Variants in PNLIPRP3 observed in about 807,000 individuals in gnomAD.
PNLIPRP3 encodes pancreatic lipase related protein 3, also known as pancreatic lipase-related protein 3.
In PNLIPRP3, 58 loss-of-function variants were observed where a neutral mutation model predicts 52.8. The observed-to-expected ratio is 1.10, with a 90% CI of 0.89 to 1.37. The LOEUF (loss-of-function observed/expected upper bound fraction) is 1.37. PNLIPRP3 is among the 40% of genes most tolerant of loss of function. The probability of loss-of-function intolerance (pLI) is 0.00; values close to 1 mark genes in which losing one functional copy is unlikely to be tolerated. For synonymous variants in PNLIPRP3, 192 were observed against 185.0 expected (o/e 1.04, Z -0.31); for missense variants, 593 against 561.6 (o/e 1.06, Z -0.57).
intron 2 of PNLIPRP3, among the ~76,000 whole-genome samples, chr10:116,437,348 C>T (rs1845789106): frequency 6.6e-6 from 1 of 152,036 alleles, no homozygotes; most frequent in Admixed American, 6.6e-5. Flanking sequence ...AGGGATGGAA[C>T]CAGGTAACAT....
At position 116,476,725 on chromosome 10, in the gene PNLIPRP3, G is replaced by A; in HGVS notation, c.1246G>A (p.Val416Ile). The change falls in exon 11 of 12, where the codon GTT (valine) becomes ATT (isoleucine). Residue 416 changes from valine to isoleucine, a missense_variant. Physicochemically the swap from Val to Ile is conservative, Grantham distance 29. Transcript: ENST00000369230. ...ADVNVGNITS[V>I]QFIWKKHLFE... Reference sequence around the variant, plus strand: ...TGTTAACGTTGGAAACATTACAAGTGTTCAGTTCATCTGGAAAAAACATTT... The same window carrying A: ...TGTTAACGTTGGAAACATTACAAGTATTCAGTTCATCTGGAAAAAACATTT... The A allele has an allele frequency of 6.2e-7, 1 of 1,609,646 alleles. No homozygotes were observed. The highest frequency in any genetic ancestry group is 8.5e-7 in the Non-Finnish European group (1 of 1,177,950).
intron 1 of PNLIPRP3, among the ~76,000 whole-genome samples, chr10:116,430,792 A>G (rs1845699985): frequency 6.6e-6 from 1 of 152,182 alleles, no homozygotes; most frequent in Admixed American, 6.5e-5. Context: ...CCTATATCTC[A>G]TCTATTAAAT....
chr10:116,475,538 T>C (rs1453362582), intron 10 of PNLIPRP3, among the ~76,000 whole-genome samples: 1 of 152,208 alleles, frequency 6.6e-6, no homozygotes, highest in Non-Finnish European at 1.5e-5. Context: ...AACAGAAAGA[T>C]TACCCTTAAG....
intron 3 of PNLIPRP3, 97 bp from the exon 4 acceptor site, chr10:116,444,285 C>A: frequency 1.9e-6 from 2 of 1,060,738 alleles, no homozygotes; most frequent in Non-Finnish European, 1.3e-6. Flanking sequence ...CCATATCAAC[C>A]TACTAGTATA....
intron 3 of PNLIPRP3, among the ~76,000 whole-genome samples, chr10:116,443,796 TGTGTGC>T (rs1436351359): frequency 2.0e-4 from 2 of 10,162 alleles, no homozygotes; most frequent in Non-Finnish European, 9.3e-4. Context: ...TATGTATGTG[TGTGTGC>T]ATATATATAT....
At chr10:116,457,676 T>G (rs973382949) in intron 5 of PNLIPRP3, among the ~76,000 whole-genome samples, 1 of 152,178 alleles carries the variant, frequency 6.6e-6, no homozygotes, top group African/African-American at 2.4e-5. Context: ...AAGGAATGAG[T>G]TCCTCTTTTG....
chr10:116,458,434 G>A (rs951400323), intron 5 of PNLIPRP3, among the ~76,000 whole-genome samples: 4 of 139,744 alleles, frequency 2.9e-5, no homozygotes, highest in South Asian at 2.4e-4. Context: ...TCTTCCTTAC[G>A]TCTTGGAAAG....
At chr10:116,449,760 A>G (rs1279796701) in intron 4 of PNLIPRP3, among the ~76,000 whole-genome samples, 2 of 152,196 alleles carry the variant, frequency 1.3e-5, no homozygotes, top group Admixed American at 6.5e-5. Context: ...GACCTAACAC[A>G]TGTGCATAGA....
chr10:116,456,880 C>A (rs1486061337), intron 5 of PNLIPRP3, among the ~76,000 whole-genome samples: 1 of 152,184 alleles, frequency 6.6e-6, no homozygotes, highest in African/African-American at 2.4e-5. Flanking sequence ...CTCTTGCCTG[C>A]ATTTTGGCCT....
At chr10:116,476,357 T>A (rs1026678763) in intron 10 of PNLIPRP3, among the ~76,000 whole-genome samples, 4 of 152,196 alleles carry the variant, frequency 2.6e-5, no homozygotes, top group African/African-American at 9.7e-5. Context: ...ATCTGGTTTC[T>A]GATACTACAA....
At chr10:116,451,022 C>T (rs913439012) in intron 4 of PNLIPRP3, among the ~76,000 whole-genome samples, 7 of 152,094 alleles carry the variant, frequency 4.6e-5, no homozygotes, top group Non-Finnish European at 8.8e-5. Context: ...CTGGAATCAT[C>T]ACAGTTCCTG....
chr10:116,455,805 G>T lies in PNLIPRP3; in HGVS notation c.540G>T (p.Arg180Ser). ...ACCTGGCTGGGGAAGCTGGGTCAAG[G>T]ATACCAGGCCTTGGAAGAATAACTG... ...GAHLAGEAGS[R>S]IPGLGRITGL... The change falls in exon 5 of 12, where the codon AGG (arginine) becomes AGT (serine). Residue 180 changes from arginine (R) to serine (S), a missense_variant. Coordinates refer to ENST00000369230, the MANE Select transcript of PNLIPRP3 (RefSeq NM_001011709.3). The T allele has an allele frequency of 6.2e-7, 1 of 1,614,042 alleles. No individual in the cohort carries two copies.
chr10:116,446,161 A>G (rs1228259372), intron 4 of PNLIPRP3, among the ~76,000 whole-genome samples: 3 of 152,122 alleles, frequency 2.0e-5, no homozygotes, highest in Non-Finnish European at 4.4e-5. Context: ...CCTGGCGAAC[A>G]AAATGAAACC....
Position 116,443,071 on chromosome 10 carries a change from A to G in PNLIPRP3, c.221A>G (p.Asn74Ser). 6.3e-7 allele frequency: 1 copy of G among 1,599,360 alleles called. No homozygotes were observed. Among genetic ancestry groups the G allele is most frequent in the Admixed American group, 1.7e-5 (1 of 59,362 alleles). ...TTGAAACAGGAGATCAGTGCGGTTA[A>G]TTCTTCAACTATCCAAGCCTCATAT... ...PNAYQEISAVNSSTIQASYFG... is the reference protein window; with the variant it reads ...PNAYQEISAVSSSTIQASYFG... Residue 74 changes from asparagine (N) to serine (S), a missense_variant, in exon 3 of 12, where the codon AAT (asparagine) becomes AGT (serine). Physicochemically the swap from Asn to Ser is conservative, Grantham distance 46. Transcript: ENST00000369230.
rs754750823 is a variant in PNLIPRP3 at position 116,469,322 on chromosome 10, G to A, written c.1060+5G>A. 25 of 1,596,196 alleles carry A rather than the reference G, an allele frequency of 1.6e-5. No homozygotes were observed. In the South Asian group the frequency reaches 2.4e-4, roughly 15 times the overall value. On this transcript the variant is annotated splice_donor_5th_base_variant and intron_variant, in intron 9 of 11. Transcript: ENST00000369230. ...GGTCCCTTTCCCCATTTGCCCGTAA[G>A]TATCATAGCTAAGTTTAATTGTAAT...
intron 1 of PNLIPRP3, among the ~76,000 whole-genome samples, chr10:116,433,834 C>G (rs1299258312): frequency 6.7e-6 from 1 of 149,996 alleles, no homozygotes; most frequent in Non-Finnish European, 1.5e-5. Flanking sequence ...AAAACCACTG[C>G]AGCCAAAGGA....
intron 2 of PNLIPRP3, among the ~76,000 whole-genome samples, chr10:116,440,520 G>A (rs1215715381): frequency 6.6e-6 from 1 of 152,150 alleles, no homozygotes; most frequent in Admixed American, 6.6e-5. Context: ...GAGTCAAGGT[G>A]TGTAATTAAA....
At chr10:116,463,397 T>G (rs1846228305) in intron 7 of PNLIPRP3, among the ~76,000 whole-genome samples, 1 of 152,188 alleles carries the variant, frequency 6.6e-6, no homozygotes, top group Non-Finnish European at 1.5e-5. Flanking sequence ...GGACTTGTTC[T>G]CCTCTGTCAG....
At chr10:116,457,912 G>A (rs564426014) in intron 5 of PNLIPRP3, among the ~76,000 whole-genome samples, 2 of 152,150 alleles carry the variant, frequency 1.3e-5, no homozygotes, top group African/African-American at 2.4e-5. Context: ...AATGTCCAAA[G>A]AATTAATATT....
Sources: allele counts gnomAD v4.1 joint callset (sites outside exome capture counted in the v4.1 genomes callset), GRCh38; gene constraint gnomAD v4.1.1; transcripts MANE v1.5; gene names NCBI Gene and HGNC (gene_info 2026-07-23, HGNC 2026-07-21).